The following TIMP2 variants were observed in gnomAD, a reference collection of about 807,000 sequenced individuals.
The protein encoded by TIMP2 is TIMP metallopeptidase inhibitor 2, also known as metalloproteinase inhibitor 2.
A neutral mutation model predicts 24.3 loss-of-function variants in TIMP2; 5 were observed. That is an observed-to-expected ratio of 0.21 (90% CI 0.11 to 0.43). The LOEUF (loss-of-function observed/expected upper bound fraction) is 0.43. Among genes scored for constraint, TIMP2 ranks in the 20% least tolerant of loss-of-function variants. TIMP2 has a pLI of 1.00. For missense variants in TIMP2, 221 were observed against 297.5 expected (o/e 0.74, Z 1.89); for synonymous variants, 130 against 123.2 (o/e 1.06, Z -0.37).
chr17:78,921,654 C>A (rs912841045), intron 1 of TIMP2, among the ~76,000 whole-genome samples: 1 of 152,168 alleles, frequency 6.6e-6, no homozygotes, highest in Non-Finnish European at 1.5e-5. Context: ...GGGCCAGCAG[C>A]GCATTTGAAC....
intron 1 of TIMP2, among the ~76,000 whole-genome samples, chr17:78,918,331 T>C (rs1279905277): frequency 2.6e-5 from 4 of 152,062 alleles, no homozygotes; most frequent in Non-Finnish European, 5.9e-5. Flanking sequence ...AGTTGTAAGG[T>C]GGGAATCATC....
At position 78,891,355 on chromosome 17, in the gene TIMP2, T is replaced by G. The variant is rs2069890368; in HGVS notation, c.131-17436A>C. 2 of 1,550,556 alleles carry G rather than the reference T, an allele frequency of 1.3e-6. No individual in the cohort carries two copies. Among genetic ancestry groups the G allele is most frequent in the South Asian group, 2.4e-5 (2 of 84,066 alleles). ...CTCTTGGGGTCCCAGCGCCACACTCTTGCATCTCTGAGAAGGCATGCCCTT... is the reference window on the plus strand; with the variant it reads ...CTCTTGGGGTCCCAGCGCCACACTCGTGCATCTCTGAGAAGGCATGCCCTT... On this transcript the variant is annotated intron_variant, in intron 1 of 4. Transcript: ENST00000262768. This position sits in a 1 kb window ranked among gnomAD's most constrained non-coding sequence, Gnocchi z 4.5.
intron 3 of TIMP2, among the ~76,000 whole-genome samples, chr17:78,869,172 G>A (rs1165129938): frequency 3.3e-5 from 5 of 152,122 alleles, no homozygotes; most frequent in Non-Finnish European, 5.9e-5. Flanking sequence ...TATAATCCCA[G>A]TACTTTGGGA....
intron 1 of TIMP2, among the ~76,000 whole-genome samples, chr17:78,888,466 TG>T (rs1331376485): frequency 6.6e-6 from 1 of 151,394 alleles, no homozygotes; most frequent in Non-Finnish European, 1.5e-5. Flanking sequence ...AGTATCTTTT[TG>T]TTTCTGAGAC....
At chr17:78,902,126 G>A (rs900789558) in intron 1 of TIMP2, among the ~76,000 whole-genome samples, 1 of 152,176 alleles carries the variant, frequency 6.6e-6, no homozygotes, top group Non-Finnish European at 1.5e-5. Flanking sequence ...CACTGCACTG[G>A]GTTTTGGTTT....
chr17:78,872,127 T>C (rs1246993581), intron 2 of TIMP2, among the ~76,000 whole-genome samples: 6 of 151,042 alleles, frequency 4.0e-5, no homozygotes, highest in Admixed American at 6.6e-5. Context: ...TAGCTGGGAC[T>C]ATAGGCGCAT....
intron 3 of TIMP2, among the ~76,000 whole-genome samples, chr17:78,858,067 G>A (rs776544082): frequency 6.6e-6 from 1 of 151,512 alleles, no homozygotes; most frequent in Admixed American, 6.6e-5. Context: ...GCAAGACTCC[G>A]TCTCAAAAAA....
intron 2 of TIMP2, among the ~76,000 whole-genome samples, chr17:78,871,467 A>AGT (rs1227742842): frequency 4.0e-4 from 4 of 10,050 alleles, no homozygotes; most frequent in Admixed American, 1.7e-3. Flanking sequence ...AAAAAAAAAA[A>AGT]AAAGAAAAGA....
intron 1 of TIMP2, among the ~76,000 whole-genome samples, chr17:78,879,935 C>A (rs1208339209): frequency 6.6e-6 from 1 of 151,658 alleles, no homozygotes; most frequent in African/African-American, 2.4e-5. Flanking sequence ...ACCGGGTGGG[C>A]GGAAAACCAA....
At chr17:78,874,021 T>C (rs1479446174) in intron 1 of TIMP2, 102 bp from the exon 2 acceptor site, 1 of 1,058,038 alleles carries the variant, frequency 9.5e-7, no homozygotes, top group African/African-American at 1.6e-5. Context: ...TGCTGGGGGG[T>C]TACAGACAGC....
intron 4 of TIMP2, chr17:78,856,934 G>T (rs965065583): frequency 6.6e-6 from 1 of 152,440 alleles, no homozygotes; most frequent in African/African-American, 2.4e-5. Flanking sequence ...GGAAGCTACA[G>T]GTAACAGAGC....
At chr17:78,862,302 C>G (rs1306561435) in intron 3 of TIMP2, among the ~76,000 whole-genome samples, 4 of 152,204 alleles carry the variant, frequency 2.6e-5, no homozygotes, top group African/African-American at 9.7e-5. Flanking sequence ...GATAAAGGGT[C>G]TATCCTGACT....
At chr17:78,906,476 T>G (rs762942471) in intron 1 of TIMP2, among the ~76,000 whole-genome samples, 1 of 152,252 alleles carries the variant, frequency 6.6e-6, no homozygotes, top group South Asian at 2.1e-4. Flanking sequence ...GTCTTTTTGC[T>G]GGTGGAGGGT....
chr17:78,876,043 G>T (rs11868457), intron 1 of TIMP2, among the ~76,000 whole-genome samples: 2,374 of 152,272 alleles, frequency 0.016, 64 homozygotes, highest in African/African-American at 0.054. Context: ...ATGTCTCCCG[G>T]CAGGCCACTC....
Position 78,924,998 on chromosome 17 carries a change from G to C in TIMP2, c.91C>G (p.Pro31Ala). The C allele has an allele frequency of 7.7e-7, 1 of 1,302,474 alleles. No individual in the cohort carries two copies. 80.7% of individuals were successfully genotyped at this position (1,302,474 alleles called of 1,614,324 possible). ...CAAAACGCCTGTTGCGGGTGCACCG[G>C]GGAGCAGCTGCAGGCGTCGGCCGGG... ...LRPADACSCS[P>A]VHPQQAFCNA... The change falls in exon 1 of 5, where the codon CCG (proline) becomes GCG (alanine). Residue 31 changes from proline (P) to alanine (A), a missense_variant. Transcript: ENST00000262768. This position sits in a 1 kb window ranked among gnomAD's most constrained non-coding sequence, Gnocchi z 5.3.
At position 78,925,068 on chromosome 17, in the gene TIMP2, G is replaced by A. The variant is rs2070339431; in HGVS notation, c.21C>T (p.Thr7=). MGAAAR[T]LRLALGLLLL... is the part of the protein sequence containing the mutation. ...GCAGGAGGCCGAGCGCCAGCCGCAG[G>A]GTGCGGGCCGCGGCGCCCATGGCGG... The change falls in exon 1 of 5, where the codon ACC becomes ACT. Residue 7 remains threonine (T), a synonymous_variant. Transcript: ENST00000262768. 2.6e-6 allele frequency: 3 copies of A among 1,135,150 alleles called. No individual in the cohort carries two copies. The highest frequency in any genetic ancestry group is 3.3e-5 in the African/African-American group (2 of 60,364). 70.3% of individuals were successfully genotyped at this position (1,135,150 alleles called of 1,614,324 possible). A position where few individuals can be genotyped will look rare whatever the true frequency, so the allele number is the denominator to read the frequency against.
At chr17:78,873,762 C>A in intron 2 of TIMP2, 57 bp downstream of exon 2, 1 of 1,492,470 alleles carries the variant, frequency 6.7e-7, no homozygotes. Flanking sequence ...TCTGCCAACC[C>A]CAACACCCCA....
chr17:78,857,936 G>C (rs1237222186), intron 3 of TIMP2, among the ~76,000 whole-genome samples: 1 of 152,120 alleles, frequency 6.6e-6, no homozygotes, highest in Non-Finnish European at 1.5e-5. Context: ...CGGGTGTGGT[G>C]TCACACGCCT....
At chr17:78,918,099 C>CACA (rs1491362076) in intron 1 of TIMP2, among the ~76,000 whole-genome samples, 152 of 150,758 alleles carry the variant, frequency 1.0e-3, no homozygotes, top group African/African-American at 3.6e-3. Context: ...CACACACACA[C>CACA]AACTTCACTT....
Sources: allele counts gnomAD v4.1 joint callset (sites outside exome capture counted in the v4.1 genomes callset), GRCh38; gene constraint gnomAD v4.1.1; non-coding constraint Gnocchi (gnomAD v3.1); transcripts MANE v1.5; gene names NCBI Gene and HGNC (gene_info 2026-07-23, HGNC 2026-07-21).